Variants in NINJ2 observed in about 807,000 individuals in gnomAD.
NINJ2 encodes ninjurin 2.
In NINJ2, 12 loss-of-function variants were observed where a neutral mutation model predicts 11.7. The observed-to-expected ratio is 1.02, with a 90% CI of 0.66 to 1.66. The LOEUF (loss-of-function observed/expected upper bound fraction) is 1.66, where lower values mean the gene tolerates loss of function less well. Ranked by LOEUF, NINJ2 falls within the 40% of genes most tolerant of loss-of-function variation. The pLI is 0.00. For missense variants in NINJ2, 187 were observed against 181.8 expected (o/e 1.03, Z -0.16); for synonymous variants, 93 against 76.8 (o/e 1.21, Z -1.10).
At chr12:612,045 T>A (rs990222177) in intron 1 of NINJ2, among the ~76,000 whole-genome samples, 6 of 152,200 alleles carry the variant, frequency 3.9e-5, no homozygotes, top group African/African-American at 1.4e-4. Context: ...GTCTTCTCTA[T>A]CCCCTCCCTC....
intron 1 of NINJ2, among the ~76,000 whole-genome samples, chr12:573,708 TA>T (rs1442070641): frequency 2.0e-5 from 3 of 152,214 alleles, no homozygotes; most frequent in Non-Finnish European, 2.9e-5. Flanking sequence ...AGAGGAGGCA[TA>T]ACCTCTACCT....
intron 1 of NINJ2, chr12:632,263 G>A (rs1734319933): frequency 6.6e-6 from 1 of 152,190 alleles, no homozygotes; most frequent in African/African-American, 2.4e-5. Flanking sequence ...TAGAATCAGA[G>A]ATTCCATTCA....
intron 1 of NINJ2, among the ~76,000 whole-genome samples, chr12:626,599 G>C (rs1373822799): frequency 1.3e-5 from 2 of 152,100 alleles, no homozygotes; most frequent in African/African-American, 2.4e-5. Flanking sequence ...GAACATAAAA[G>C]GTGAAACACA....
Position 565,987 on chromosome 12 carries a change from G to A in NINJ2, c.225C>T (p.Leu75=). 1.2e-6 allele frequency: 2 copies of A among 1,614,264 alleles called. No homozygotes were observed. The highest frequency in any genetic ancestry group is 1.3e-5 in the African/African-American group (1 of 75,062). ...TLVTLISLSL[L]LQVVIGVLLV... ...GCAGGACACCGATGACCACCTGCAG[G>A]AGCAGAGAGAGGCTGATGAGGGTGA... Residue 75 remains leucine (L), a synonymous_variant, in exon 2 of 4, where the codon CTC becomes CTT. Coordinates refer to ENST00000305108, the MANE Select transcript of NINJ2 (RefSeq NM_016533.6).
At chr12:586,891 C>T (rs1002738991) in intron 1 of NINJ2, among the ~76,000 whole-genome samples, 1 of 152,156 alleles carries the variant, frequency 6.6e-6, no homozygotes, top group South Asian at 2.1e-4. Context: ...CCACGGGGGA[C>T]GCCATTCACT....
intron 1 of NINJ2, among the ~76,000 whole-genome samples, chr12:636,548 C>T (rs1213486554): frequency 6.6e-6 from 1 of 151,760 alleles, no homozygotes; most frequent in Non-Finnish European, 1.5e-5. Flanking sequence ...CCAAACAACT[C>T]AATTCAAAAA....
At chr12:584,300 G>A (rs1409913778) in intron 1 of NINJ2, among the ~76,000 whole-genome samples, 1 of 152,204 alleles carries the variant, frequency 6.6e-6, no homozygotes, top group Non-Finnish European at 1.5e-5. Flanking sequence ...AGCACTTAGG[G>A]AGGCTGAGGT....
At chr12:569,974 G>T (rs1391120514) in intron 1 of NINJ2, among the ~76,000 whole-genome samples, 1 of 148,754 alleles carries the variant, frequency 6.7e-6, no homozygotes, top group Non-Finnish European at 1.5e-5. Context: ...CGCGGCTGCC[G>T]GGGGGCGTTT....
chr12:642,818 C>T (rs570514422), intron 1 of NINJ2: 1 of 151,848 alleles, frequency 6.6e-6, no homozygotes, highest in South Asian at 2.1e-4. Context: ...GCCCCGAGCG[C>T]GCCGCAGACC....
At chr12:662,817 G>C (rs1937975446) in intron 1 of NINJ2, among the ~76,000 whole-genome samples, 1 of 152,148 alleles carries the variant, frequency 6.6e-6, no homozygotes, top group Admixed American at 6.5e-5. Flanking sequence ...TCCTTTCCTT[G>C]CACTGTCCAA....
intron 1 of NINJ2, among the ~76,000 whole-genome samples, chr12:592,608 G>A (rs976244885): frequency 6.6e-6 from 1 of 152,206 alleles, no homozygotes; most frequent in Non-Finnish European, 1.5e-5. Flanking sequence ...GCTGAGGCAG[G>A]AGAATCGCTT....
chr12:624,976 G>C (rs1028470594), intron 1 of NINJ2, among the ~76,000 whole-genome samples: 1 of 151,550 alleles, frequency 6.6e-6, no homozygotes, highest in African/African-American at 2.4e-5. Flanking sequence ...TGGCATGGTC[G>C]TGAGCACCTA....
intron 1 of NINJ2, among the ~76,000 whole-genome samples, chr12:637,650 A>AG (rs1295264322): frequency 1.3e-5 from 2 of 151,958 alleles, no homozygotes; most frequent in African/African-American, 4.8e-5. Flanking sequence ...CAAAAAAAAA[A>AG]AAAAAGAAAA....
intron 1 of NINJ2, among the ~76,000 whole-genome samples, chr12:568,137 A>G (rs1182652006): frequency 6.6e-6 from 1 of 152,250 alleles, no homozygotes; most frequent in East Asian, 1.9e-4. Context: ...TATCAACTAT[A>G]CATATTTTTA....
In NINJ2 at chr12:577,430, C is replaced by CATATATATGTATGTAT; in HGVS notation, c.34-11253_34-11252insATACATACATATATAT. 5.3e-5 allele frequency among the ~76,000 whole-genome samples: 5 copies of CATATATATGTATGTAT among 93,988 alleles called. 1 individual carries two copies. Among genetic ancestry groups the CATATATATGTATGTAT allele is most frequent in the Non-Finnish European group, 1.2e-4 (5 of 40,824 alleles). The allele number at this position is 93,988 out of a possible 152,430, so 61.7% of individuals were successfully genotyped here. On this transcript the variant is annotated intron_variant, in intron 1 of 3. Coordinates refer to ENST00000305108, the MANE Select transcript of NINJ2 (RefSeq NM_016533.6). The stretch of plus-strand genomic sequence containing the variant: ...AACACTAGTCTCATATATATATATA[C>CATATATATGTATGTAT]ATATATATATATAAATATTTTGGCA...
At chr12:623,582 T>G (rs1948178916) in intron 1 of NINJ2, among the ~76,000 whole-genome samples, 1 of 152,204 alleles carries the variant, frequency 6.6e-6, no homozygotes, top group African/African-American at 2.4e-5. Context: ...TGGGCTTAGT[T>G]TGCAACCAGC....
intron 1 of NINJ2, among the ~76,000 whole-genome samples, chr12:604,508 G>C (rs1448949933): frequency 1.3e-5 from 2 of 152,082 alleles, no homozygotes; most frequent in East Asian, 3.9e-4. Flanking sequence ...CGTGGTGGTG[G>C]GCACCTGTAA....
chr12:630,343 T>A lies in NINJ2; in HGVS notation c.33+32985A>T, dbSNP rs949069062. Among the ~76,000 whole-genome samples, 8 of 152,138 alleles carry A rather than the reference T, an allele frequency of 5.3e-5. No homozygotes were observed. The South Asian group carries it at 6.2e-4, about 12-fold the overall frequency. ...CAAGAAAGCTGCTTCTATTTTTTTT[T>A]ATTCTCTTTTTCTTGGTTTTTTGTT... On this transcript the variant is annotated intron_variant, in intron 1 of 3. Coordinates refer to ENST00000305108, the MANE Select transcript of NINJ2 (RefSeq NM_016533.6).
intron 1 of NINJ2, among the ~76,000 whole-genome samples, chr12:613,264 C>T (rs1948055677): frequency 6.6e-6 from 1 of 152,214 alleles, no homozygotes; most frequent in South Asian, 2.1e-4. Flanking sequence ...GTATCCTTTT[C>T]TCCTTTTTCT....
Sources: gnomAD v4.1 joint callset for allele counts (sites outside exome capture counted in the v4.1 genomes callset) on GRCh38, gnomAD v4.1.1 for gene constraint, MANE v1.5 for transcripts, NCBI Gene and HGNC (gene_info 2026-07-23, HGNC 2026-07-21) for gene names.